XPR1: variants seen among roughly 807,000 people sequenced by gnomAD.
XPR1 encodes the protein solute carrier family 53 member 1.
XPR1 carries 28 observed loss-of-function variants against 87.5 expected under a neutral mutation model. That is an observed-to-expected ratio of 0.32 (90% CI 0.24 to 0.44). The LOEUF (loss-of-function observed/expected upper bound fraction) is 0.44, where lower values mean the gene tolerates loss of function less well. Among genes scored for constraint, XPR1 ranks in the 20% least tolerant of loss-of-function variants. XPR1 has a pLI of 1.00. For synonymous variants in XPR1, 300 were observed against 306.1 expected (o/e 0.98, Z 0.21); for missense variants, 559 against 862.3 (o/e 0.65, Z 4.41).
chr1:180,785,699 C>G (rs1337779646), intron 2 of XPR1, among the ~76,000 whole-genome samples: 4 of 151,798 alleles, frequency 2.6e-5, no homozygotes, highest in Non-Finnish European at 4.4e-5. Context: ...TTTTGCTGAA[C>G]AATTGTATTT....
At chr1:180,786,474 G>A (rs1475563692) in intron 2 of XPR1, among the ~76,000 whole-genome samples, 1 of 152,084 alleles carries the variant, frequency 6.6e-6, no homozygotes, top group Admixed American at 6.6e-5. Flanking sequence ...TCCAGGAATA[G>A]GATAGTTCTG....
intron 1 of XPR1, among the ~76,000 whole-genome samples, chr1:180,652,876 A>C (rs1309376439): frequency 1.3e-5 from 2 of 152,212 alleles, no homozygotes; most frequent in African/African-American, 4.8e-5. Context: ...GGAGCTGCTT[A>C]CCTGGGTAAT....
rs1653126526 is a variant in XPR1, at chr1:180,889,701, A to G, written c.*5635A>G. The G allele has an allele frequency of 6.6e-6, 1 of 152,256 alleles. No homozygotes were observed. Among genetic ancestry groups the G allele is most frequent in the Non-Finnish European group, 1.5e-5 (1 of 68,036 alleles). The allele number at this position is 152,256 out of a possible 1,614,324, so 9.4% of individuals were successfully genotyped here. On this transcript the variant is annotated 3_prime_UTR_variant, in exon 15 of 15. Coordinates refer to ENST00000367590, the MANE Select transcript of XPR1 (RefSeq NM_004736.4). ...TTAATTTCTTGCCATTTTCTGGATT[A>G]GCACAGAAGCTTGTATCAATGAAGA...
At chr1:180,804,555 C>T (rs924034869) in intron 4 of XPR1, among the ~76,000 whole-genome samples, 1 of 151,910 alleles carries the variant, frequency 6.6e-6, no homozygotes, top group Non-Finnish European at 1.5e-5. Context: ...TGGTTAGGAT[C>T]ATCATAGGAT....
intron 1 of XPR1, among the ~76,000 whole-genome samples, chr1:180,678,197 A>C (rs745420773): frequency 6.6e-5 from 10 of 152,338 alleles, no homozygotes; most frequent in Non-Finnish European, 1.3e-4. Flanking sequence ...TTGATGTTTA[A>C]GGGTTTTTAT....
At chr1:180,749,233 G>A (rs1047796711) in intron 2 of XPR1, among the ~76,000 whole-genome samples, 5 of 152,180 alleles carry the variant, frequency 3.3e-5, no homozygotes, top group African/African-American at 1.2e-4. Flanking sequence ...AATTGATGTA[G>A]AAAATGCCAA....
intron 2 of XPR1, among the ~76,000 whole-genome samples, chr1:180,741,459 C>T (rs1658922823): frequency 1.3e-5 from 2 of 151,998 alleles, no homozygotes; most frequent in Non-Finnish European, 2.9e-5. Context: ...AGCCACCACA[C>T]CCAGCCAAGA....
intron 2 of XPR1, among the ~76,000 whole-genome samples, chr1:180,778,394 T>C (rs1558003873): frequency 6.6e-6 from 1 of 152,180 alleles, no homozygotes; most frequent in African/African-American, 2.4e-5. Context: ...GGAAACACAA[T>C]GTATTAGTTC....
At chr1:180,862,102 T>G (rs1365857696) in intron 11 of XPR1, among the ~76,000 whole-genome samples, 1 of 152,154 alleles carries the variant, frequency 6.6e-6, no homozygotes, top group Non-Finnish European at 1.5e-5. Flanking sequence ...CTTCCAGAGT[T>G]TCTGAAAATT....
At chr1:180,641,821 G>T (rs531210193) in intron 1 of XPR1, among the ~76,000 whole-genome samples, 12 of 152,174 alleles carry the variant, frequency 7.9e-5, no homozygotes, top group Non-Finnish European at 1.6e-4. Flanking sequence ...TAATAGCAGA[G>T]CCTGATATAA....
At chr1:180,755,541 T>A (rs562698524) in intron 2 of XPR1, among the ~76,000 whole-genome samples, 4 of 152,184 alleles carry the variant, frequency 2.6e-5, no homozygotes, top group African/African-American at 9.7e-5. Context: ...GTGTAAACTT[T>A]CCCTGATTTC....
At position 180,726,132 on chromosome 1, in the gene XPR1, C is replaced by G. The variant is rs115822506; in HGVS notation, c.121+43721C>G. ...GTCTAGCTAAAGGATTGTAAATGCA[C>G]GAATCAGCCCTCTGTAAAAAAACAC... On this transcript the variant is annotated intron_variant, in intron 2 of 14. Transcript: ENST00000367590. Among the ~76,000 whole-genome samples the G allele has an allele frequency of 7.9e-3, 1,202 of 152,120 alleles. 17 individuals carry two copies. Among genetic ancestry groups the G allele is most frequent in the African/African-American group, 0.028 (1,149 of 41,476 alleles).
intron 2 of XPR1, among the ~76,000 whole-genome samples, chr1:180,711,398 G>A (rs990625367): frequency 9.2e-5 from 14 of 152,184 alleles, no homozygotes; most frequent in South Asian, 4.1e-4. Context: ...GATCACTCGC[G>A]GTTAGGAGCT....
chr1:180,825,497 C>G (rs369035589), intron 9 of XPR1, among the ~76,000 whole-genome samples, 153 bp downstream of exon 9: 1 of 152,164 alleles, frequency 6.6e-6, no homozygotes, highest in Non-Finnish European at 1.5e-5. Flanking sequence ...AAAGTACTCA[C>G]GTATATTTTC....
In XPR1 at chr1:180,747,879, A is replaced by G. The variant is rs558535659; in HGVS notation, c.122-39874A>G. Among the ~76,000 whole-genome samples, 7 of 152,352 alleles carry G rather than the reference A, an allele frequency of 4.6e-5. No individual in the cohort carries two copies. In the South Asian group the frequency reaches 1.4e-3, roughly 32 times the overall value. On this transcript the variant is annotated intron_variant, in intron 2 of 14. Transcript: ENST00000367590. ...GGACCCCAGCTCACCAACTGAAACC[A>G]TTATGTCTGTGAAACAAACCTTTTA...
intron 7 of XPR1, among the ~76,000 whole-genome samples, chr1:180,816,465 T>C (rs1294729506): frequency 6.6e-6 from 1 of 152,172 alleles, no homozygotes; most frequent in African/African-American, 2.4e-5. Context: ...ACCCCTGTAC[T>C]AACCTATGAC....
In XPR1 at chr1:180,748,400, C is replaced by CTTTTTTTTTTTTTTTTTTTTTT. The variant is rs71297873; in HGVS notation, c.122-39339_122-39318dup. On this transcript the variant is annotated intron_variant, in intron 2 of 14. Transcript: ENST00000367590. ...TGCTACTCTGTGTTATTATTTATGT[C>CTTTTTTTTTTTTTTTTTTTTTT]TTTTTTTTTTTTTTTTTTTTTTTTT... 1.1e-3 allele frequency among the ~76,000 whole-genome samples: 32 copies of CTTTTTTTTTTTTTTTTTTTTTT among 29,680 alleles called. 7 individuals carry two copies. Among genetic ancestry groups the CTTTTTTTTTTTTTTTTTTTTTT allele is most frequent in the Admixed American group, 2.1e-3 (4 of 1,898 alleles). The allele number at this position is 29,680 out of a possible 152,430, so 19.5% of individuals were successfully genotyped here.
At chr1:180,880,777 CAGAA>C (rs898520423) in intron 14 of XPR1, among the ~76,000 whole-genome samples, 1 of 152,174 alleles carries the variant, frequency 6.6e-6, no homozygotes, top group Non-Finnish European at 1.5e-5. Flanking sequence ...AGTTCCCTCA[CAGAA>C]AGAGCCTACT....
chr1:180,707,591 CCT>C (rs889390892), intron 2 of XPR1, among the ~76,000 whole-genome samples: 3 of 152,114 alleles, frequency 2.0e-5, no homozygotes, highest in African/African-American at 7.2e-5. Flanking sequence ...CCAATTCTCC[CCT>C]GTTCCTGTTT....
Sources: allele counts gnomAD v4.1 joint callset (sites outside exome capture counted in the v4.1 genomes callset), GRCh38; gene constraint gnomAD v4.1.1; transcripts MANE v1.5; gene names NCBI Gene and HGNC (gene_info 2026-07-23, HGNC 2026-07-21).